SEC22C: variants seen among roughly 807,000 people sequenced by gnomAD.
SEC22C encodes the protein SEC22 homolog C, vesicle trafficking protein, also known as vesicle-trafficking protein SEC22c.
In SEC22C, 29 loss-of-function variants were observed where a neutral mutation model predicts 34.7. The observed-to-expected ratio is 0.84, with a 90% CI of 0.62 to 1.14. SEC22C has a LOEUF of 1.14. Ranked by LOEUF, SEC22C falls within the 50% of genes most tolerant of loss-of-function variation. The pLI is 0.00. For missense variants in SEC22C, 337 were observed against 369.0 expected, an observed-to-expected ratio of 0.91 and a Z score of 0.71; for synonymous variants, 117 against 132.8, an observed-to-expected ratio of 0.88 and a Z score of 0.82.
intron 1 of SEC22C, among the ~76,000 whole-genome samples, chr3:42,600,187 G>A (rs1705228162): frequency 6.6e-6 from 1 of 152,150 alleles, no homozygotes; most frequent in African/African-American, 2.4e-5. Flanking sequence ...GGACAAAAAC[G>A]GTGCCAGTGA....
chr3:42,574,530 T>A (rs1162969672), intron 1 of SEC22C, among the ~76,000 whole-genome samples: 5 of 152,142 alleles, frequency 3.3e-5, no homozygotes, highest in African/African-American at 9.7e-5. Flanking sequence ...TAAAAACTTT[T>A]AAAAATATGA....
At position 42,563,539 on chromosome 3, in the gene SEC22C, G is replaced by A. The variant is rs146161491; in HGVS notation, c.330C>T (p.Tyr110=). The part of the protein sequence containing the change: ...TTCIGLASRP[Y]AFLEFDSIIQ... ...GTTACAAACCAAACTCAAGAAAAGC[G>A]TATGGCCTGGAGGCTAGGCCAATGC... Residue 110 remains tyrosine (Y), a synonymous_variant, in exon 3 of 7, where the codon TAC becomes TAT. Transcript: ENST00000264454. The A allele has an allele frequency of 2.1e-4, 345 of 1,612,240 alleles. No individual in the cohort carries two copies. The highest frequency in any genetic ancestry group is 3.3e-4 in the Middle Eastern group (2 of 6,048).
chr3:42,551,092 C>T lies in SEC22C; in HGVS notation c.*2156G>A, dbSNP rs1294771609. 27 of 974,678 alleles carry T rather than the reference C, an allele frequency of 2.8e-5. No homozygotes were observed. Among genetic ancestry groups the T allele is most frequent in the Non-Finnish European group, 3.3e-5 (27 of 820,346 alleles). 60.4% of individuals were successfully genotyped at this position (974,678 alleles called of 1,614,324 possible). A position where few individuals can be genotyped will look rare whatever the true frequency, so the allele number is the denominator to read the frequency against. On this transcript the variant is annotated 3_prime_UTR_variant, in exon 7 of 7. Transcript: ENST00000264454. ...CCATGTTAGCCAGGATGGTCTCGAT[C>T]TCTTGACCTCGTGATCTGCCCACCT...
At position 42,588,479 on chromosome 3, in the gene SEC22C, G is replaced by C. The variant is rs374632730; in HGVS notation, c.-28+12481C>G. On this transcript the variant is annotated intron_variant, in intron 1 of 6. Coordinates refer to the SEC22C transcript ENST00000417572. ...GTATGTCCCAGTTCCCTCCATTTCA[G>C]AGCCATAAACATAAAGCCTACAGGT... 1.5e-4 allele frequency among the ~76,000 whole-genome samples: 23 copies of C among 152,214 alleles called. No homozygotes were observed. The East Asian group carries it at 2.7e-3, about 18-fold the overall frequency.
At chr3:42,597,633 C>T (rs1419473203) in intron 1 of SEC22C, among the ~76,000 whole-genome samples, 1 of 152,004 alleles carries the variant, frequency 6.6e-6, no homozygotes, top group African/African-American at 2.4e-5. Context: ...CAACCCGCCA[C>T]CCAGGGGCCA....
chr3:42,565,723 T>G, intron 2 of SEC22C: 1 of 327,418 alleles, frequency 3.1e-6, no homozygotes, highest in Non-Finnish European at 5.9e-6. Context: ...GTAGCAGAGG[T>G]TTAGGAAGGA....
chr3:42,564,570 C>T (rs1468250907), intron 2 of SEC22C, among the ~76,000 whole-genome samples: 3 of 152,198 alleles, frequency 2.0e-5, no homozygotes, highest in South Asian at 2.1e-4. Flanking sequence ...GGAGTATACA[C>T]TCCAACTTCA....
intron 2 of SEC22C, 109 bp downstream of exon 2, chr3:42,568,756 T>C (rs528117667): frequency 1.1e-6 from 1 of 891,576 alleles, no homozygotes; most frequent in African/African-American, 1.7e-5. Context: ...CCACTGATGC[T>C]AGATCTACTT....
chr3:42,555,596 C>T (rs1432240234), intron 6 of SEC22C, among the ~76,000 whole-genome samples: 2 of 152,208 alleles, frequency 1.3e-5, no homozygotes, highest in African/African-American at 4.8e-5. Flanking sequence ...TCTTGCCACT[C>T]ACTAGTCAGG....
intron 4 of SEC22C, among the ~76,000 whole-genome samples, chr3:42,558,342 T>C (rs531680989): frequency 3.6e-4 from 54 of 149,482 alleles, no homozygotes; most frequent in African/African-American, 1.2e-3. Context: ...CAAAAACTTA[T>C]CCAGGCATGG....
intron 2 of SEC22C, among the ~76,000 whole-genome samples, chr3:42,566,403 G>A (rs1023811102): frequency 1.5e-4 from 23 of 152,178 alleles, no homozygotes; most frequent in Admixed American, 1.4e-3. Flanking sequence ...AAGGCCGGGT[G>A]CGGTGGCTCA....
Position 42,561,261 on chromosome 3 carries a change from A to G in SEC22C, c.382T>C (p.Tyr128His). Residue 128 changes from tyrosine to histidine, a missense_variant, in exon 4 of 7, where the codon TAT becomes CAT. Coordinates refer to ENST00000264454, the MANE Select transcript of SEC22C (RefSeq NM_032970.4). ...CACTCCATCTGAGAGGAACTTACAT[A>G]GTTAAAATGCCACTTCACTTTCTGA... ...IIQKVKWHFNYVSSSQMECSL... is the reference protein window; with the variant it reads ...IIQKVKWHFNHVSSSQMECSL... 2 of 1,614,226 alleles carry G rather than the reference A, an allele frequency of 1.2e-6. No homozygotes were observed. Among genetic ancestry groups the G allele is most frequent in the Non-Finnish European group, 1.7e-6 (2 of 1,180,030 alleles).
chr3:42,590,232 C>T (rs1399789371), intron 1 of SEC22C, among the ~76,000 whole-genome samples: 2 of 152,194 alleles, frequency 1.3e-5, no homozygotes, highest in Non-Finnish European at 2.9e-5. Flanking sequence ...GAGACAATGC[C>T]ATAGCCAATG....
chr3:42,563,761 T>G, intron 2 of SEC22C, 75 bp from the exon 3 acceptor site: 1 of 1,599,120 alleles, frequency 6.3e-7, no homozygotes. Flanking sequence ...AGACACAACC[T>G]TACCTGAATT....
At chr3:42,558,714 C>T (rs1391427979) in intron 4 of SEC22C, among the ~76,000 whole-genome samples, 1 of 152,020 alleles carries the variant, frequency 6.6e-6, no homozygotes. Context: ...ATAGCTTGAG[C>T]CCTGGAGGTG....
intron 1 of SEC22C, among the ~76,000 whole-genome samples, chr3:42,572,375 G>A (rs1057088787): frequency 2.6e-5 from 4 of 152,076 alleles, no homozygotes; most frequent in African/African-American, 9.7e-5. Context: ...TGCCAACGAA[G>A]GCCAAGTGAA....
Position 42,548,505 on chromosome 3 carries a change from CT to C in SEC22C, c.*4742del. 1 of 1,292,478 alleles carries C rather than the reference CT, an allele frequency of 7.7e-7. No individual in the cohort carries two copies. Among genetic ancestry groups the C allele is most frequent in the Non-Finnish European group, 1.1e-6 (1 of 904,390 alleles). The allele number at this position is 1,292,478 out of a possible 1,614,324, so 80.1% of individuals were successfully genotyped here. On this transcript the variant is annotated 3_prime_UTR_variant, in exon 7 of 7. Transcript: ENST00000264454. ...CATTCCCAGATTTCACTGACATGCCCTTTTCCACAGGCTCCCTGCTGATGAG... is the reference window on the plus strand; with the variant it reads ...CATTCCCAGATTTCACTGACATGCCCTTTCCACAGGCTCCCTGCTGATGAG...
intron 1 of SEC22C, among the ~76,000 whole-genome samples, chr3:42,596,322 G>A (rs1373442970): frequency 2.0e-5 from 3 of 152,136 alleles, no homozygotes; most frequent in African/African-American, 4.8e-5. Flanking sequence ...GCGCCCAGCC[G>A]ATCATTTCTG....
intron 1 of SEC22C, chr3:42,591,406 G>A (rs1704834418): frequency 2.7e-6 from 2 of 738,990 alleles, no homozygotes; most frequent in Non-Finnish European, 4.8e-6. Context: ...TGTTGGCCAG[G>A]CTAGTCTCGA....
Sources: allele counts gnomAD v4.1 joint callset (sites outside exome capture counted in the v4.1 genomes callset), GRCh38; gene constraint gnomAD v4.1.1; transcripts MANE v1.5; gene names NCBI Gene and HGNC (gene_info 2026-07-23, HGNC 2026-07-21).